Variants in TTI2 observed in about 807,000 individuals in gnomAD.
The protein encoded by TTI2 is TELO2-interacting protein 2.
In TTI2, 26 loss-of-function variants were observed where a neutral mutation model predicts 44.9. The observed-to-expected ratio is 0.58, with a 90% CI of 0.42 to 0.80. The LOEUF (loss-of-function observed/expected upper bound fraction) is 0.80. Among genes scored for constraint, TTI2 ranks in the 30% least tolerant of loss-of-function variants. The pLI, the probability that TTI2 is intolerant of heterozygous loss-of-function variation, is 0.00. For synonymous variants in TTI2, 254 were observed against 250.9 expected, an observed-to-expected ratio of 1.01 and a Z score of -0.12; for missense variants, 582 against 611.6, an observed-to-expected ratio of 0.95 and a Z score of 0.51.
intron 3 of TTI2, among the ~76,000 whole-genome samples, chr8:33,509,318 A>G (rs1258403179): frequency 1.3e-5 from 2 of 151,020 alleles, no homozygotes; most frequent in Admixed American, 6.6e-5. Flanking sequence ...TTAGTTGGGC[A>G]TGGTGGCACG....
rs759586004 is a variant in TTI2 at position 33,512,448 on chromosome 8, C to A, written c.166G>T (p.Gly56Cys). 4 of 1,614,064 alleles carry A rather than the reference C, an allele frequency of 2.5e-6. No homozygotes were observed. The highest frequency in any genetic ancestry group is 1.7e-6 in the Non-Finnish European group (2 of 1,179,962). ...AATTCTGTGGCTTCTATTAGATCAC[C>A]GAGGTCTTTAAGAACTGCATCTTTT... is the stretch of plus-strand genomic sequence containing the variant. The part of the protein sequence containing the change: ...NVKDAVLKDL[G>C]DLIEATEFDR... Residue 56 changes from glycine (G) to cysteine (C), a missense_variant, in exon 2 of 8, where the codon GGT becomes TGT. Transcript: ENST00000431156.
At position 33,509,784 on chromosome 8, in the gene TTI2, G is replaced by A. The variant is rs765413522; in HGVS notation, c.796C>T (p.Leu266=). 4 of 1,614,120 alleles carry A rather than the reference G, an allele frequency of 2.5e-6. No homozygotes were observed. The highest frequency in any genetic ancestry group is 1.6e-4 in the Middle Eastern group (1 of 6,062). Residue 266 remains leucine, a synonymous_variant, in exon 3 of 8, where the codon CTG becomes TTG. Coordinates refer to ENST00000431156, the MANE Select transcript of TTI2 (RefSeq NM_001102401.4). ...ATGTGATGGAGACAGTGTACACCCA[G>A]GATTTTGTTCTCAGTCTGATAGTCA... ...SDDYQTENKI[L]GVHCLHHIVL...
chr8:33,508,945 G>A (rs574587113), intron 3 of TTI2, among the ~76,000 whole-genome samples: 7 of 151,608 alleles, frequency 4.6e-5, no homozygotes, highest in African/African-American at 1.2e-4. Context: ...AGTTCGAGAC[G>A]GACGTGGCCA....
chr8:33,510,644 T>C (rs1245944386), intron 2 of TTI2, among the ~76,000 whole-genome samples: 45 of 152,266 alleles, frequency 3.0e-4, no homozygotes, highest in Admixed American at 2.9e-3. Flanking sequence ...CCCAAAGTAC[T>C]GGGATTACAG....
chr8:33,500,237 G>A, intron 7 of TTI2, 91 bp downstream of exon 7: 1 of 1,482,054 alleles, frequency 6.7e-7, no homozygotes, highest in Non-Finnish European at 9.3e-7. Flanking sequence ...TCCAGACTTG[G>A]TCAGGCACAT....
chr8:33,502,145 T>C (rs1034621257), intron 6 of TTI2, among the ~76,000 whole-genome samples: 3 of 152,024 alleles, frequency 2.0e-5, no homozygotes, highest in African/African-American at 7.2e-5. Flanking sequence ...GGTTTCACCA[T>C]ATTGGCCAGG....
intron 7 of TTI2, chr8:33,499,718 C>G (rs1018668276): frequency 1.8e-5 from 3 of 166,258 alleles, no homozygotes; most frequent in Non-Finnish European, 3.9e-5. Context: ...GCATGAATTT[C>G]TTTTCATGCT....
intron 4 of TTI2, among the ~76,000 whole-genome samples, chr8:33,504,373 T>C (rs569166218): frequency 7.2e-6 from 1 of 139,248 alleles, no homozygotes; most frequent in East Asian, 2.3e-4. Flanking sequence ...CTTGGCTCAC[T>C]GCAACCTCCG....
At position 33,503,394 on chromosome 8, in the gene TTI2, A is replaced by G. The variant is rs759732897; in HGVS notation, c.1259+35T>C. 5.1e-5 allele frequency: 83 copies of G among 1,613,894 alleles called. 2 individuals are homozygous for G. The South Asian group carries it at 7.8e-4, about 15-fold the overall frequency. ...CATCCAAGCAAGTTCTCAAGAGAAA[A>G]TCGGCTGAGTTTTGCACCTTAAGGC... On this transcript the variant is annotated intron_variant, in intron 6 of 7. Coordinates refer to ENST00000431156, the MANE Select transcript of TTI2 (RefSeq NM_001102401.4).
chr8:33,504,288 C>CTTTTTTT (rs1563352474), intron 4 of TTI2, among the ~76,000 whole-genome samples: 3 of 55,780 alleles, frequency 5.4e-5, no homozygotes, highest in African/African-American at 1.5e-4. Flanking sequence ...GATATTTACA[C>CTTTTTTT]ATTTTTTTTT....
chr8:33,499,473 G>A (rs977222905), intron 7 of TTI2, 196 bp from the exon 8 acceptor site: 4 of 518,842 alleles, frequency 7.7e-6, no homozygotes, highest in African/African-American at 5.8e-5. Context: ...TGTATTGAAG[G>A]TGCTACTTTA....
rs2128831643 is a variant in TTI2 at position 33,512,347 on chromosome 8, C to G, written c.267G>C (p.Leu89=). 1 of 1,614,206 alleles carries G rather than the reference C, an allele frequency of 6.2e-7. No individual in the cohort carries two copies. The change falls in exon 2 of 8, where the codon CTG becomes CTC. Residue 89 remains leucine, a synonymous_variant. Coordinates refer to ENST00000431156, the MANE Select transcript of TTI2 (RefSeq NM_001102401.4). ...PETLGQVAKA[L]EKYAAPSKEE... is the part of the protein sequence containing the mutation. ...CCTTGGAGGGGGCTGCATACTTCTC[C>G]AGGGCTTTTGCTACCTGCCCCAGTG...
rs1050113079 is a variant in TTI2 at position 33,507,251 on chromosome 8, G to T, written c.905C>A (p.Thr302Lys). The T allele has an allele frequency of 1.2e-6, 2 of 1,614,160 alleles. No individual in the cohort carries two copies. The highest frequency in any genetic ancestry group is 8.5e-7 in the Non-Finnish European group (1 of 1,179,990). Residue 302 changes from threonine (T) to lysine (K), a missense_variant, in exon 4 of 8, where the codon ACA becomes AAA. Coordinates refer to ENST00000431156, the MANE Select transcript of TTI2 (RefSeq NM_001102401.4). Reference sequence around the variant, plus strand: ...TACCTGAATGAGGTGGTGCTCTGGTGTGTACAGGTGGTTGGAAATGGCATG... The same window carrying T: ...TACCTGAATGAGGTGGTGCTCTGGTTTGTACAGGTGGTTGGAAATGGCATG... ...LYHAISNHLY[T>K]PEHHLIQAVL...
intron 2 of TTI2, among the ~76,000 whole-genome samples, 163 bp downstream of exon 2, chr8:33,511,804 G>T (rs573317497): frequency 6.6e-6 from 1 of 152,122 alleles, no homozygotes; most frequent in Non-Finnish European, 1.5e-5. Context: ...CAGGAGAATC[G>T]CTTGAACCCA....
intron 7 of TTI2, 176 bp from the exon 8 acceptor site, chr8:33,499,453 A>C (rs1354510751): frequency 1.7e-6 from 1 of 571,760 alleles, no homozygotes; most frequent in Non-Finnish European, 3.1e-6. Context: ...TTAAATTTAT[A>C]TAGCTCTCAT....
intron 6 of TTI2, among the ~76,000 whole-genome samples, chr8:33,503,128 CAAAAAAA>C (rs397973510): frequency 1.6e-3 from 78 of 47,286 alleles, no homozygotes; most frequent in African/African-American, 3.9e-3. Flanking sequence ...GACTCCATTT[CAAAAAAA>C]AAAAAAAAAA....
intron 3 of TTI2, among the ~76,000 whole-genome samples, chr8:33,509,132 CAA>C (rs751009227): frequency 4.3e-4 from 42 of 97,060 alleles, no homozygotes; most frequent in Middle Eastern, 6.3e-3. Flanking sequence ...GATAATGTCT[CAA>C]AAAAAAAAAA....
At chr8:33,503,971 A>G in intron 4 of TTI2, 36 bp from the exon 5 acceptor site, 1 of 1,603,096 alleles carries the variant, frequency 6.2e-7, no homozygotes, top group African/African-American at 1.3e-5. Context: ...TGCATAGTTC[A>G]TCCATTTGCA....
Position 33,503,860 on chromosome 8 carries a change from G to A in TTI2, c.1003C>T (p.Pro335Ser). ...AGGACCTCATCACAATGGGTGGTGG[G>A]TCGAGCTCCATCTCCTTTCCAGTGC... Reference protein sequence around the residue: ...TLHWKGDGARPTTHCDEVLRL... With the variant: ...TLHWKGDGARSTTHCDEVLRL... Residue 335 changes from proline to serine, a missense_variant, in exon 5 of 8, where the codon CCC (proline) becomes TCC (serine). Pro to Ser is a moderately conservative substitution (Grantham distance 74). Transcript: ENST00000431156. The A allele has an allele frequency of 1.9e-6, 3 of 1,614,160 alleles. No individual in the cohort carries two copies. Among genetic ancestry groups the A allele is most frequent in the Non-Finnish European group, 2.5e-6 (3 of 1,180,032 alleles).
Sources: allele counts gnomAD v4.1 joint callset (sites outside exome capture counted in the v4.1 genomes callset), GRCh38; gene constraint gnomAD v4.1.1; transcripts MANE v1.5; gene names NCBI Gene and HGNC (gene_info 2026-07-23, HGNC 2026-07-21).